BMP6: variants seen among roughly 807,000 people sequenced by gnomAD.
The protein encoded by BMP6 is bone morphogenetic protein 6, also known as VG-1-R.
Under a neutral mutation model 54.1 loss-of-function variants are expected in BMP6, and 17 were observed. The observed-to-expected ratio is 0.31, with a 90% CI of 0.22 to 0.47. The LOEUF (loss-of-function observed/expected upper bound fraction) is 0.47. BMP6 is among the 20% of genes least tolerant of loss of function. The pLI, the probability that BMP6 is intolerant of heterozygous loss-of-function variation, is 1.00. For missense variants in BMP6, 720 were observed against 690.4 expected, an observed-to-expected ratio of 1.04 and a Z score of -0.48; for synonymous variants, 328 against 291.2, an observed-to-expected ratio of 1.13 and a Z score of -1.28.
At chr6:7,734,816 G>A (rs1207589028) in intron 1 of BMP6, among the ~76,000 whole-genome samples, 1 of 152,176 alleles carries the variant, frequency 6.6e-6, no homozygotes, top group African/African-American at 2.4e-5. Flanking sequence ...GGTCCCCACG[G>A]TCTCGTTATC....
In BMP6 at chr6:7,869,359, G is replaced by A. The variant is rs998902626; in HGVS notation, c.1204+6861G>A. ...GGCTCCTTTGCACTTCGCTGTGTGC[G>A]TGGCTCTTCAGGAGGGCCAGATAAA... On this transcript the variant is annotated intron_variant, in intron 4 of 6. Coordinates refer to ENST00000283147, the MANE Select transcript of BMP6 (RefSeq NM_001718.6). 3.3e-5 allele frequency among the ~76,000 whole-genome samples: 5 copies of A among 152,266 alleles called. No individual in the cohort carries two copies. In the East Asian group the frequency reaches 5.8e-4, roughly 18 times the overall value.
Position 7,727,514 on chromosome 6 carries a change from C to T in BMP6, c.559C>T (p.Leu187Phe), listed in dbSNP as rs543444500. 39 of 1,596,166 alleles carry T rather than the reference C, an allele frequency of 2.4e-5. No individual in the cohort carries two copies. Among genetic ancestry groups the T allele is most frequent in the East Asian group, 4.5e-5 (2 of 44,674 alleles). Reference sequence around the variant, plus strand: ...CGCGCACCCGCTCAACCGCAAGAGCCTTCTGGCCCCCGGATCTGGCAGCGG... The same window carrying T: ...CGCGCACCCGCTCAACCGCAAGAGCTTTCTGGCCCCCGGATCTGGCAGCGG... ...GAAHPLNRKSLLAPGSGSGGA... is the reference protein window; with the variant it reads ...GAAHPLNRKSFLAPGSGSGGA... Residue 187 changes from leucine (L) to phenylalanine (F), a missense_variant, in exon 1 of 7, where the codon CTT becomes TTT. Around this residue, in one of 3 missense-constraint regions of BMP6, gnomAD observed 650 missense variants for 556.3 expected, o/e 1.17. Transcript: ENST00000283147.
At chr6:7,737,039 C>T (rs270405) in intron 1 of BMP6, among the ~76,000 whole-genome samples, 142,797 of 152,160 alleles carry the variant, frequency 0.94, 67,028 homozygotes, top group East Asian at 1. Flanking sequence ...AATACAAAAA[C>T]TAGCCAGGCG....
intron 1 of BMP6, among the ~76,000 whole-genome samples, chr6:7,833,219 A>G (rs892483391): frequency 2.6e-5 from 4 of 152,242 alleles, no homozygotes; most frequent in Non-Finnish European, 5.9e-5. Flanking sequence ...TACAGGAGCC[A>G]CCAGACACTT....
chr6:7,803,967 T>C (rs1353134389), intron 1 of BMP6, among the ~76,000 whole-genome samples: 2 of 152,228 alleles, frequency 1.3e-5, no homozygotes, highest in Non-Finnish European at 2.9e-5. Context: ...TCTCTGAGCA[T>C]AGGAGCACAT....
intron 2 of BMP6, 136 bp from the exon 3 acceptor site, chr6:7,861,315 C>G (rs1052643504): frequency 8.7e-7 from 1 of 1,150,956 alleles, no homozygotes. Context: ...AGGGCTATGG[C>G]AAGTCACTGT....
intron 1 of BMP6, among the ~76,000 whole-genome samples, chr6:7,735,581 AAG>A (rs1396699518): frequency 2.0e-5 from 3 of 152,138 alleles, no homozygotes; most frequent in Admixed American, 6.5e-5. Flanking sequence ...ATTTTTTAGA[AAG>A]AGAGGGTTTT....
chr6:7,727,060 G>T lies in BMP6; in HGVS notation c.105G>T (p.Ala35=). The change falls in exon 1 of 7, where the codon GCG becomes GCT. Residue 35 remains alanine (A), a synonymous_variant. Transcript: ENST00000283147. The stretch of plus-strand genomic sequence containing the variant: ...TGCGGCCGCCCTTGCCCGCTGCCGC[G>T]GCCGCCGCCGCCGGGGGGCAGCTGC... The part of the protein sequence containing the change: ...PPLRPPLPAA[A]AAAAGGQLLG... 8.3e-7 allele frequency: 1 copy of T among 1,200,232 alleles called. No individual in the cohort carries two copies. The allele number at this position is 1,200,232 out of a possible 1,614,324, so 74.3% of individuals were successfully genotyped here. A position where few individuals can be genotyped will look rare whatever the true frequency, so the allele number is the denominator to read the frequency against.
intron 1 of BMP6, among the ~76,000 whole-genome samples, chr6:7,826,131 A>C (rs1240900332): frequency 6.6e-6 from 1 of 152,192 alleles, no homozygotes; most frequent in East Asian, 1.9e-4. Flanking sequence ...GGTGGTTGGC[A>C]GTGGTGATGG....
chr6:7,864,156 A>C (rs1472669125), intron 4 of BMP6, among the ~76,000 whole-genome samples: 2 of 152,188 alleles, frequency 1.3e-5, no homozygotes, highest in Non-Finnish European at 2.9e-5. Context: ...AAACCCAGAC[A>C]CTTCTGACTC....
chr6:7,791,655 C>T (rs1300010892), intron 1 of BMP6, among the ~76,000 whole-genome samples: 1 of 152,126 alleles, frequency 6.6e-6, no homozygotes, highest in African/African-American at 2.4e-5. Flanking sequence ...AGAAGCCCCT[C>T]AAATTCAGCA....
chr6:7,733,710 C>G (rs909270293), intron 1 of BMP6, among the ~76,000 whole-genome samples: 2 of 152,194 alleles, frequency 1.3e-5, no homozygotes, highest in African/African-American at 2.4e-5. Context: ...AATACACTTT[C>G]TTTTCTGATC....
At chr6:7,731,918 T>C (rs1441915918) in intron 1 of BMP6, among the ~76,000 whole-genome samples, 3 of 152,216 alleles carry the variant, frequency 2.0e-5, no homozygotes, top group African/African-American at 7.2e-5. Context: ...CTCCAAATGC[T>C]AGGATTAAAT....
chr6:7,738,384 C>T (rs976376315), intron 1 of BMP6, among the ~76,000 whole-genome samples: 3 of 152,230 alleles, frequency 2.0e-5, no homozygotes, highest in Non-Finnish European at 4.4e-5. Context: ...CTCTGCTCTT[C>T]TGTGGCTCCA....
intron 2 of BMP6, among the ~76,000 whole-genome samples, chr6:7,855,734 G>A (rs915007915): frequency 7.3e-4 from 111 of 151,550 alleles, no homozygotes; most frequent in African/African-American, 2.5e-3. Flanking sequence ...TTGCCATGTT[G>A]CCCAGTCTGG....
chr6:7,875,041 G>A (rs2113293389), intron 4 of BMP6, among the ~76,000 whole-genome samples: 1 of 152,218 alleles, frequency 6.6e-6, no homozygotes, highest in East Asian at 1.9e-4. Context: ...AAAGCTGGTG[G>A]TGTAATTCAG....
intron 2 of BMP6, among the ~76,000 whole-genome samples, chr6:7,858,694 G>A (rs1395575183): frequency 6.6e-6 from 1 of 151,514 alleles, no homozygotes. Context: ...CTGTCCTGAG[G>A]AATAAAGGCT....
intron 2 of BMP6, among the ~76,000 whole-genome samples, chr6:7,846,701 A>T (rs1233033847): frequency 6.6e-6 from 1 of 152,064 alleles, no homozygotes; most frequent in East Asian, 1.9e-4. Context: ...TCTGATTCTC[A>T]CTCCTAAATA....
intron 1 of BMP6, among the ~76,000 whole-genome samples, chr6:7,802,018 T>A (rs945455713): frequency 6.6e-6 from 1 of 152,096 alleles, no homozygotes; most frequent in Non-Finnish European, 1.5e-5. Context: ...CAGACAGAGA[T>A]CCAGAGGGTA....
Sources: gnomAD v4.1 joint callset for allele counts (sites outside exome capture counted in the v4.1 genomes callset) on GRCh38, gnomAD v4.1.1 for gene constraint, gnomAD v4.1.1 regional missense constraint, MANE v1.5 for transcripts, NCBI Gene and HGNC (gene_info 2026-07-23, HGNC 2026-07-21) for gene names.